FOXO1: variants seen among roughly 807,000 people sequenced by gnomAD.
FOXO1 encodes forkhead box O1.
In FOXO1, 6 loss-of-function variants were observed where a neutral mutation model predicts 44.1. That is an observed-to-expected ratio of 0.14 (90% CI 0.07 to 0.27). The LOEUF (loss-of-function observed/expected upper bound fraction) is 0.27, where lower values mean the gene tolerates loss of function less well. Ranked by LOEUF, FOXO1 falls within the 10% of genes least tolerant of loss-of-function variation. The pLI, the probability that FOXO1 is intolerant of heterozygous loss-of-function variation, is 1.00. For synonymous variants in FOXO1, 380 were observed against 362.7 expected, an observed-to-expected ratio of 1.05 and a Z score of -0.54; for missense variants, 737 against 888.8, an observed-to-expected ratio of 0.83 and a Z score of 2.17.
intron 1 of FOXO1, among the ~76,000 whole-genome samples, chr13:40,587,202 C>T (rs935210380): frequency 3.3e-5 from 5 of 151,692 alleles, no homozygotes; most frequent in Non-Finnish European, 7.4e-5. Context: ...TTTTCCACCA[C>T]CTTCTTCCCA....
At chr13:40,629,588 C>T (rs1876896374) in intron 1 of FOXO1, among the ~76,000 whole-genome samples, 1 of 152,200 alleles carries the variant, frequency 6.6e-6, no homozygotes, top group South Asian at 2.1e-4. Flanking sequence ...TTGCATTAAA[C>T]TTACCAGTTA....
At chr13:40,656,112 T>C (rs2137939470) in intron 1 of FOXO1, among the ~76,000 whole-genome samples, 1 of 152,384 alleles carries the variant, frequency 6.6e-6, no homozygotes, top group African/African-American at 2.4e-5. Flanking sequence ...CCTATTGGAC[T>C]GTAATGGTGT....
chr13:40,664,828 CCA>C (rs1878168509), intron 1 of FOXO1, among the ~76,000 whole-genome samples: 1 of 151,726 alleles, frequency 6.6e-6, no homozygotes, highest in Admixed American at 6.6e-5. Flanking sequence ...ACCGCCACCG[CCA>C]CCGCCCGCGC....
Position 40,567,945 on chromosome 13 carries a change from G to A in FOXO1, c.631-7085C>T, listed in dbSNP as rs189101025. 2.0e-5 allele frequency among the ~76,000 whole-genome samples: 3 copies of A among 151,864 alleles called. No homozygotes were observed. The East Asian group carries it at 5.9e-4, about 30-fold the overall frequency. ...ATCGCACCACTGCACTCTAGACTGG[G>A]CAACAGAGCAAGACTCCGTCTTAAA... On this transcript the variant is annotated intron_variant, in intron 1 of 2. Coordinates refer to ENST00000379561, the MANE Select transcript of FOXO1 (RefSeq NM_002015.4).
At chr13:40,634,719 G>A (rs575382879) in intron 1 of FOXO1, among the ~76,000 whole-genome samples, 7 of 150,942 alleles carry the variant, frequency 4.6e-5, no homozygotes, top group East Asian at 3.9e-4. Flanking sequence ...TTGCTCTGTC[G>A]CCCAGGCTGG....
At chr13:40,660,616 G>C (rs567321190) in intron 1 of FOXO1, among the ~76,000 whole-genome samples, 1 of 152,144 alleles carries the variant, frequency 6.6e-6, no homozygotes, top group Non-Finnish European at 1.5e-5. Context: ...ATCCCATTTC[G>C]TATCGCCTCG....
chr13:40,563,212 G>A (rs1188817672), intron 1 of FOXO1, among the ~76,000 whole-genome samples: 1 of 152,184 alleles, frequency 6.6e-6, no homozygotes, highest in Admixed American at 6.5e-5. Flanking sequence ...GCCCGGGCCC[G>A]AGTGCCAACC....
At chr13:40,632,956 G>C (rs1211972838) in intron 1 of FOXO1, among the ~76,000 whole-genome samples, 1 of 150,838 alleles carries the variant, frequency 6.6e-6, no homozygotes, top group Non-Finnish European at 1.5e-5. Context: ...CGAAGGATCT[G>C]AGTAGATATC....
At chr13:40,634,807 A>G (rs559823697) in intron 1 of FOXO1, among the ~76,000 whole-genome samples, 6 of 152,122 alleles carry the variant, frequency 3.9e-5, no homozygotes, top group Admixed American at 2.0e-4. Context: ...AGCCCCGAGT[A>G]GCTGGGATTA....
At chr13:40,594,602 A>G (rs1468893775) in intron 1 of FOXO1, among the ~76,000 whole-genome samples, 2 of 152,196 alleles carry the variant, frequency 1.3e-5, no homozygotes, top group Admixed American at 1.3e-4. Context: ...TCCAATAAAG[A>G]GCACAAGATG....
intron 1 of FOXO1, among the ~76,000 whole-genome samples, chr13:40,596,319 AATT>A (rs545979429): frequency 3.9e-5 from 6 of 152,194 alleles, no homozygotes; most frequent in Non-Finnish European, 7.3e-5. Flanking sequence ...CCAGGCAGAT[AATT>A]ATTATCAGGA....
At chr13:40,567,866 A>T (rs541252168) in intron 1 of FOXO1, among the ~76,000 whole-genome samples, 1 of 152,054 alleles carries the variant, frequency 6.6e-6, no homozygotes, top group East Asian at 1.9e-4. Context: ...TACTCGGGAG[A>T]CTGAGGCAGG....
intron 1 of FOXO1, among the ~76,000 whole-genome samples, chr13:40,661,540 G>A (rs544232494): frequency 4.5e-4 from 69 of 151,892 alleles, no homozygotes; most frequent in African/African-American, 1.5e-3. Context: ...CAGGCAATCC[G>A]CCCACCTTAG....
chr13:40,661,401 G>A (rs1052065810), intron 1 of FOXO1, among the ~76,000 whole-genome samples: 2 of 151,702 alleles, frequency 1.3e-5, no homozygotes, highest in East Asian at 1.9e-4. Context: ...TCAGCCTCCC[G>A]AGTAGTTGGG....
rs551681464 is a variant in FOXO1 at position 40,555,931 on chromosome 13, T to C, written c.*3118A>G. 1 of 152,764 alleles carries C rather than the reference T, an allele frequency of 6.5e-6. No homozygotes were observed. Among genetic ancestry groups the C allele is most frequent in the South Asian group, 2.1e-4 (1 of 4,832 alleles). The allele number at this position is 152,764 out of a possible 1,614,324, so 9.5% of individuals were successfully genotyped here. On this transcript the variant is annotated 3_prime_UTR_variant, in exon 3 of 3. Coordinates refer to ENST00000379561, the MANE Select transcript of FOXO1 (RefSeq NM_002015.4). Reference sequence around the variant, plus strand: ...GCGAAATGCAGGAGGCATGACTACGTCCTGATGGGACTTACATGGCCACCC... The same window carrying C: ...GCGAAATGCAGGAGGCATGACTACGCCCTGATGGGACTTACATGGCCACCC...
intron 1 of FOXO1, among the ~76,000 whole-genome samples, chr13:40,661,139 G>A (rs1012177367): frequency 1.3e-5 from 2 of 152,142 alleles, no homozygotes; most frequent in African/African-American, 4.8e-5. Flanking sequence ...TGAACAAAAT[G>A]TTTTAGCTCT....
chr13:40,599,239 G>A (rs1593394374), intron 1 of FOXO1, among the ~76,000 whole-genome samples: 1 of 148,322 alleles, frequency 6.7e-6, no homozygotes, highest in South Asian at 2.1e-4. Flanking sequence ...AAGCTTCCAA[G>A]GTCTGTTTGC....
chr13:40,561,549 C>T (rs573945058), intron 1 of FOXO1, among the ~76,000 whole-genome samples: 26 of 152,180 alleles, frequency 1.7e-4, no homozygotes, highest in African/African-American at 6.3e-4. Context: ...TTCCATTCTA[C>T]TATCCTTAAA....
At chr13:40,571,231 G>T (rs1874480465) in intron 1 of FOXO1, among the ~76,000 whole-genome samples, 1 of 152,034 alleles carries the variant, frequency 6.6e-6, no homozygotes, top group Non-Finnish European at 1.5e-5. Context: ...ATGGGGTGGG[G>T]GGAAGGGGGA....
Sources: allele counts gnomAD v4.1 joint callset (sites outside exome capture counted in the v4.1 genomes callset), GRCh38; gene constraint gnomAD v4.1.1; transcripts MANE v1.5; gene names NCBI Gene and HGNC (gene_info 2026-07-23, HGNC 2026-07-21).